Variants in ESRRG observed in about 807,000 individuals in gnomAD.
ESRRG encodes estrogen-related receptor gamma.
ESRRG carries 13 observed loss-of-function variants against 44.0 expected under a neutral mutation model. The observed-to-expected ratio is 0.30, with a 90% confidence interval of 0.19 to 0.47. The LOEUF (loss-of-function observed/expected upper bound fraction) is 0.47. Among genes scored for constraint, ESRRG ranks in the 20% least tolerant of loss-of-function variants. The probability of loss-of-function intolerance (pLI) is 1.00; values close to 1 mark genes in which losing one functional copy is unlikely to be tolerated. For missense variants in ESRRG, 395 were observed against 580.6 expected (o/e 0.68, Z 3.29); for synonymous variants, 215 against 214.6 (o/e 1.00, Z -0.02).
At chr1:216,977,563 C>T (rs565891047) in intron 1 of ESRRG, among the ~76,000 whole-genome samples, 3 of 152,242 alleles carry the variant, frequency 2.0e-5, no homozygotes, top group Admixed American at 6.5e-5. Flanking sequence ...ACAATAAGTA[C>T]AGGGCCAAGT....
intron 1 of ESRRG, among the ~76,000 whole-genome samples, chr1:216,685,589 G>C (rs935184397): frequency 6.6e-6 from 1 of 152,178 alleles, no homozygotes; most frequent in Non-Finnish European, 1.5e-5. Flanking sequence ...CTCATAGAAA[G>C]TCTATGCACT....
chr1:216,841,878 T>C (rs2095659126), intron 2 of ESRRG, among the ~76,000 whole-genome samples: 1 of 152,110 alleles, frequency 6.6e-6, no homozygotes, highest in South Asian at 2.1e-4. Context: ...ATATCTGGGT[T>C]TAGAATGGTA....
At chr1:216,671,407 T>C (rs1231036506) in intron 2 of ESRRG, among the ~76,000 whole-genome samples, 2 of 152,210 alleles carry the variant, frequency 1.3e-5, no homozygotes, top group African/African-American at 2.4e-5. Flanking sequence ...GAGACAGCTG[T>C]GAGCTCTGGA....
At chr1:217,133,684 TAA>T (rs2093006459) in intron 1 of ESRRG, among the ~76,000 whole-genome samples, 1 of 149,634 alleles carries the variant, frequency 6.7e-6, no homozygotes, top group African/African-American at 2.5e-5. Flanking sequence ...TCTTTCTTTC[TAA>T]CTGTGCTTTT....
chr1:216,707,544 T>A, intron 1 of ESRRG: 1 of 1,486,874 alleles, frequency 6.7e-7, no homozygotes, highest in East Asian at 2.5e-5. Context: ...AAGTTTTATG[T>A]AAAACTACAG....
At chr1:216,861,185 A>G (rs2096047724) in intron 2 of ESRRG, among the ~76,000 whole-genome samples, 1 of 151,922 alleles carries the variant, frequency 6.6e-6, no homozygotes, top group African/African-American at 2.4e-5. Context: ...GAGAAAGAAA[A>G]CAAAAAAATG....
At chr1:216,849,145 A>G (rs2095803857) in intron 2 of ESRRG, among the ~76,000 whole-genome samples, 1 of 152,186 alleles carries the variant, frequency 6.6e-6, no homozygotes, top group Middle Eastern at 3.2e-3. Flanking sequence ...CCATTAAAAA[A>G]TAATCTCTAA....
chr1:216,983,266 C>T (rs896671323), intron 1 of ESRRG, among the ~76,000 whole-genome samples: 1 of 151,798 alleles, frequency 6.6e-6, no homozygotes, highest in Non-Finnish European at 1.5e-5. Flanking sequence ...GGGTCTCGCT[C>T]TGTTACCCAG....
At chr1:216,526,561 T>A (rs891645624) in intron 5 of ESRRG, among the ~76,000 whole-genome samples, 24 of 152,178 alleles carry the variant, frequency 1.6e-4, no homozygotes, top group East Asian at 3.9e-4. Flanking sequence ...GCTTCCAACT[T>A]CCAGAGCTGT....
chr1:216,817,047 G>T (rs1199315546), intron 2 of ESRRG, among the ~76,000 whole-genome samples: 2 of 146,810 alleles, frequency 1.4e-5, no homozygotes, highest in Admixed American at 6.8e-5. Flanking sequence ...TGTTATTAAA[G>T]AAAGAAAATG....
chr1:216,735,987 A>AAAATATAT (rs1453476198), intron 2 of ESRRG, among the ~76,000 whole-genome samples: 2 of 137,092 alleles, frequency 1.5e-5, no homozygotes, highest in African/African-American at 5.4e-5. Context: ...CTCAAAAAAA[A>AAAATATAT]ATATATATAT....
At position 216,684,186 on chromosome 1, in the gene ESRRG, G is replaced by A. The variant is rs1051193496; in HGVS notation, c.57-6695C>T. Among the ~76,000 whole-genome samples, 15 of 152,312 alleles carry A rather than the reference G, an allele frequency of 9.8e-5. 1 individual carries two copies. In the South Asian group the frequency reaches 2.9e-3, roughly 29 times the overall value. ...TGGAAGTGACTGCTGATTTCCTTAA[G>A]TCATCCAGACTATTTTAGATGTAGG... On this transcript the variant is annotated intron_variant, in intron 1 of 6. Transcript: ENST00000408911.
intron 2 of ESRRG, among the ~76,000 whole-genome samples, chr1:216,929,238 G>T (rs932923534): frequency 1.3e-5 from 2 of 152,092 alleles, no homozygotes; most frequent in African/African-American, 2.4e-5. Context: ...GTAAAAGTTG[G>T]TCACTCAAAT....
chr1:216,969,218 T>C (rs1171715464), intron 1 of ESRRG, among the ~76,000 whole-genome samples: 1 of 152,176 alleles, frequency 6.6e-6, no homozygotes, highest in Admixed American at 6.5e-5. Context: ...TCTACTGTCA[T>C]GAAGCTCACC....
intron 3 of ESRRG, among the ~76,000 whole-genome samples, chr1:216,580,628 T>C (rs2062583173): frequency 6.6e-6 from 1 of 152,200 alleles, no homozygotes; most frequent in Admixed American, 6.5e-5. Context: ...TGAGACATTT[T>C]TATTGCTCTC....
intron 5 of ESRRG, among the ~76,000 whole-genome samples, chr1:216,536,617 A>G (rs1023762452): frequency 2.0e-5 from 3 of 152,018 alleles, no homozygotes; most frequent in African/African-American, 7.2e-5. Flanking sequence ...TCTCTCTGTG[A>G]GGTCCACAGA....
chr1:217,044,733 C>T (rs938170539), intron 1 of ESRRG, among the ~76,000 whole-genome samples: 9 of 152,210 alleles, frequency 5.9e-5, no homozygotes, highest in East Asian at 1.9e-4. Flanking sequence ...GACTTCCTGC[C>T]GAAAGCTTCA....
At chr1:216,993,930 CTCTAATACAT>C (rs2076046851) in intron 1 of ESRRG, among the ~76,000 whole-genome samples, 1 of 152,120 alleles carries the variant, frequency 6.6e-6, no homozygotes, top group African/African-American at 2.4e-5. Context: ...ATCACTTTTT[CTCTAATACAT>C]TTTTATTTCA....
At chr1:217,123,412 T>C (rs778472024) in intron 1 of ESRRG, among the ~76,000 whole-genome samples, 6 of 152,136 alleles carry the variant, frequency 3.9e-5, no homozygotes, top group Non-Finnish European at 8.8e-5. Context: ...GCACAATTCT[T>C]CCTTTTTCTG....
Sources: gnomAD v4.1 joint callset for allele counts (sites outside exome capture counted in the v4.1 genomes callset) on GRCh38, gnomAD v4.1.1 for gene constraint, MANE v1.5 for transcripts, NCBI Gene and HGNC (gene_info 2026-07-23, HGNC 2026-07-21) for gene names.